The following BRINP1 variants were observed in gnomAD, a reference collection of about 807,000 sequenced individuals.
The protein encoded by BRINP1 is BMP/retinoic acid inducible neural specific 1, also known as BMP/retinoic acid-inducible neural-specific protein 1.
Under a neutral mutation model 72.9 loss-of-function variants are expected in BRINP1, and 17 were observed. That is an observed-to-expected ratio of 0.23 (90% CI 0.16 to 0.35). The LOEUF is 0.35. Ranked by LOEUF, BRINP1 falls within the 10% of genes least tolerant of loss-of-function variation. BRINP1 has a pLI of 1.00. For missense variants in BRINP1, 850 were observed against 1,001.6 expected (o/e 0.85, Z 2.04); for synonymous variants, 418 against 378.5 (o/e 1.10, Z -1.21).
intron 5 of BRINP1, among the ~76,000 whole-genome samples, chr9:119,225,904 T>C (rs1335643536): frequency 1.3e-5 from 2 of 151,578 alleles, no homozygotes; most frequent in African/African-American, 2.4e-5. Flanking sequence ...AATAAACAAA[T>C]AAGATTCAAA....
chr9:119,326,562 C>T (rs1378327280), intron 1 of BRINP1, among the ~76,000 whole-genome samples: 1 of 152,170 alleles, frequency 6.6e-6, no homozygotes, highest in Admixed American at 6.5e-5. Flanking sequence ...TTTGGACCCA[C>T]ATTTAGAAAT....
At chr9:119,227,576 G>T (rs577063585) in intron 5 of BRINP1, among the ~76,000 whole-genome samples, 1 of 152,068 alleles carries the variant, frequency 6.6e-6, no homozygotes, top group Non-Finnish European at 1.5e-5. Context: ...AGGAAGCCAG[G>T]AACATAAATT....
chr9:119,348,901 C>G (rs1831475124), intron 1 of BRINP1, among the ~76,000 whole-genome samples: 1 of 152,098 alleles, frequency 6.6e-6, no homozygotes, highest in Non-Finnish European at 1.5e-5. Context: ...AATGCTCTGG[C>G]CGGGTATGTG....
At chr9:119,360,505 G>A (rs1376318749) in intron 1 of BRINP1, among the ~76,000 whole-genome samples, 5 of 144,382 alleles carry the variant, frequency 3.5e-5, no homozygotes, top group African/African-American at 1.2e-4. Flanking sequence ...TGCTCTTCTA[G>A]GTTTATCTTG....
In BRINP1 at chr9:119,369,284, TC is replaced by T. The variant is rs961834464; in HGVS notation, c.-280del. The stretch of plus-strand genomic sequence containing the variant: ...CCCGGCTCCGGAAGGCGGTCACTAC[TC>T]CCTCTGCCTCCCGGCTCTCTCGCTC... On this transcript the variant is annotated 5_prime_UTR_variant, in exon 1 of 8. Transcript: ENST00000265922. 2 of 398,844 alleles carry T rather than the reference TC, an allele frequency of 5.0e-6. No individual in the cohort carries two copies. Among genetic ancestry groups the T allele is most frequent in the African/African-American group, 4.1e-5 (2 of 48,768 alleles). 24.7% of individuals were successfully genotyped at this position (398,844 alleles called of 1,614,324 possible).
chr9:119,169,415 T>C (rs967792637), intron 7 of BRINP1, among the ~76,000 whole-genome samples: 21 of 152,202 alleles, frequency 1.4e-4, no homozygotes, highest in African/African-American at 4.1e-4. Context: ...ATACTGTGCT[T>C]TTCCGGCGGG....
intron 2 of BRINP1, among the ~76,000 whole-genome samples, chr9:119,295,999 C>A (rs1830873345): frequency 1.3e-5 from 2 of 152,078 alleles, no homozygotes; most frequent in South Asian, 4.2e-4. Context: ...TTGGATATGA[C>A]CCTAAAAGCA....
At chr9:119,287,404 G>A (rs781053029) in intron 2 of BRINP1, among the ~76,000 whole-genome samples, 1 of 151,994 alleles carries the variant, frequency 6.6e-6, no homozygotes, top group African/African-American at 2.4e-5. Flanking sequence ...GTGTTATCTG[G>A]GACAAGTTTA....
chr9:119,213,566 A>G (rs996283682), intron 6 of BRINP1: 3 of 454,362 alleles, frequency 6.6e-6, no homozygotes, highest in African/African-American at 5.8e-5. Flanking sequence ...ACACATACAC[A>G]CACAAATATC....
At chr9:119,216,096 T>C (rs796875077) in intron 5 of BRINP1, among the ~76,000 whole-genome samples, 2 of 152,356 alleles carry the variant, frequency 1.3e-5, no homozygotes, top group African/African-American at 4.8e-5. Context: ...ACGATGACGA[T>C]ATTGATGATG....
chr9:119,338,638 C>T (rs564660648), intron 1 of BRINP1, among the ~76,000 whole-genome samples: 3 of 149,356 alleles, frequency 2.0e-5, no homozygotes, highest in African/African-American at 5.0e-5. Context: ...TTTGGGAGGC[C>T]GAGGCGGGCG....
chr9:119,293,520 T>G (rs1280408929), intron 2 of BRINP1, among the ~76,000 whole-genome samples: 1 of 152,134 alleles, frequency 6.6e-6, no homozygotes, highest in Non-Finnish European at 1.5e-5. Context: ...AAGGTAGTTG[T>G]AGAAAGTTAA....
At chr9:119,265,148 C>T (rs1588183155) in intron 2 of BRINP1, among the ~76,000 whole-genome samples, 1 of 152,324 alleles carries the variant, frequency 6.6e-6, no homozygotes, top group East Asian at 1.9e-4. Flanking sequence ...TCTTACTCAC[C>T]AATATCACCT....
At chr9:119,283,309 C>T in intron 2 of BRINP1, 1 of 444,512 alleles carries the variant, frequency 2.2e-6, no homozygotes, top group Non-Finnish European at 3.0e-6. Flanking sequence ...CCAGACAGAC[C>T]CAGTGACTCA....
At chr9:119,254,389 T>A (rs566451911) in intron 2 of BRINP1, among the ~76,000 whole-genome samples, 5 of 151,984 alleles carry the variant, frequency 3.3e-5, no homozygotes, top group African/African-American at 1.2e-4. Flanking sequence ...CTGAAGGAAA[T>A]GAGGGAGGGA....
chr9:119,208,792 G>T lies in BRINP1; in HGVS notation c.1072C>A (p.Arg358Ser). The T allele has an allele frequency of 6.2e-7, 1 of 1,614,194 alleles. No homozygotes were observed. Among genetic ancestry groups the T allele is most frequent in the Non-Finnish European group, 8.5e-7 (1 of 1,180,040 alleles). Reference protein sequence around the residue: ...ATEAQRQKIQRTARKLFGLSV... With the variant: ...ATEAQRQKIQSTARKLFGLSV... ...AGGCCGAAAAGCTTGCGGGCAGTGC[G>T]TTGGATCTTTTGTCTCTGTGCCTCC... The change falls in exon 7 of 8, where the codon CGC becomes AGC. Residue 358 changes from arginine (R) to serine (S), a missense_variant. Physicochemically the swap from Arg to Ser is moderately radical, Grantham distance 110. Transcript: ENST00000265922.
rs747937461 is a variant in BRINP1 at position 119,369,378 on chromosome 9, C to A, written c.-373G>T. 5.0e-6 allele frequency: 2 copies of A among 397,360 alleles called. No homozygotes were observed. The highest frequency in any genetic ancestry group is 8.9e-6 in the Non-Finnish European group (2 of 225,514). The allele number at this position is 397,360 out of a possible 1,614,324, so 24.6% of individuals were successfully genotyped here. On this transcript the variant is annotated 5_prime_UTR_variant, in exon 1 of 8. Coordinates refer to ENST00000265922, the MANE Select transcript of BRINP1 (RefSeq NM_014618.3). ...GTTCGCTCGCCTGCGCTCTCCTCCT[C>A]CCCGCGCGCCAGATCAGTTTGCAGC...
In BRINP1 at chr9:119,265,604, A is replaced by AAAAC. The variant is rs200640638; in HGVS notation, c.219-16458_219-16455dup. Among the ~76,000 whole-genome samples the AAAAC allele has an allele frequency of 2.1e-3, 325 of 152,152 alleles. 2 individuals are homozygous for AAAAC. The highest frequency in any genetic ancestry group is 9.5e-3 in the East Asian group (49 of 5,176). On this transcript the variant is annotated intron_variant, in intron 2 of 7. Transcript: ENST00000265922. The stretch of plus-strand genomic sequence containing the variant: ...AGAGCAAGACTCCATCTCAATTACC[A>AAAAC]AAACAAACAAACAAACAAACAAACA...
At chr9:119,211,284 G>A (rs1157258776) in intron 6 of BRINP1, among the ~76,000 whole-genome samples, 2 of 151,994 alleles carry the variant, frequency 1.3e-5, no homozygotes, top group Non-Finnish European at 2.9e-5. Flanking sequence ...TGCAACCTCT[G>A]CCTCCCAGGT....
Sources: gnomAD v4.1 joint callset for allele counts (sites outside exome capture counted in the v4.1 genomes callset) on GRCh38, gnomAD v4.1.1 for gene constraint, MANE v1.5 for transcripts, NCBI Gene and HGNC (gene_info 2026-07-23, HGNC 2026-07-21) for gene names.